Variants in COMMD1 observed in about 807,000 individuals in gnomAD.
COMMD1 encodes the protein copper metabolism domain containing 1.
In COMMD1, 10 loss-of-function variants were observed where a neutral mutation model predicts 17.2. The ratio of observed to expected loss-of-function variants is 0.58; its 90% CI spans 0.36 to 0.99. The LOEUF is 0.99. Among genes scored for constraint, COMMD1 ranks in the 50% least tolerant of loss-of-function variants. The pLI is 0.01. For synonymous variants in COMMD1, 97 were observed against 91.6 expected, an observed-to-expected ratio of 1.06 and a Z score of -0.34; for missense variants, 270 against 231.8, an observed-to-expected ratio of 1.17 and a Z score of -1.07.
At chr2:61,905,929 C>G (rs989965146) in intron 1 of COMMD1, 71 bp downstream of exon 1, 24 of 1,484,582 alleles carry the variant, frequency 1.6e-5, no homozygotes, top group Non-Finnish European at 1.9e-5. Flanking sequence ...CTCTCCCCCC[C>G]TTGCCTTCCC....
At chr2:61,991,607 T>A (rs926828693) in intron 1 of COMMD1, among the ~76,000 whole-genome samples, 3 of 151,824 alleles carry the variant, frequency 2.0e-5, no homozygotes, top group African/African-American at 2.4e-5. Context: ...AGAGGAGGAG[T>A]ATTGGGGAAG....
intron 2 of COMMD1, among the ~76,000 whole-genome samples, chr2:62,082,023 G>GT (rs753397363): frequency 6.6e-6 from 1 of 152,084 alleles, no homozygotes; most frequent in African/African-American, 2.4e-5. Flanking sequence ...GTTAGAAAAT[G>GT]TCATTGAAAT....
upstream of COMMD1, among the ~76,000 whole-genome samples, chr2:61,901,964 G>A (rs531019068): frequency 1.3e-5 from 2 of 152,026 alleles, no homozygotes; most frequent in East Asian, 3.9e-4. Flanking sequence ...CTCCCAAGTA[G>A]CTGGACTACA....
upstream of COMMD1, chr2:61,888,547 G>A (rs1157713283): frequency 1.3e-6 from 2 of 1,594,440 alleles, no homozygotes; most frequent in Non-Finnish European, 8.5e-7. Context: ...GGGAAGGACG[G>A]ATGGACCCGG....
intron 2 of COMMD1, among the ~76,000 whole-genome samples, chr2:62,044,245 A>C (rs1417421531): frequency 2.0e-5 from 3 of 151,724 alleles, no homozygotes; most frequent in Non-Finnish European, 4.4e-5. Context: ...ACTAGATTTT[A>C]CTTTGCAGAT....
chr2:62,010,442 G>C (rs567866503), intron 2 of COMMD1, among the ~76,000 whole-genome samples: 76 of 151,650 alleles, frequency 5.0e-4, no homozygotes, highest in Non-Finnish European at 5.9e-4. Flanking sequence ...GTAATTCCTT[G>C]CATTTAAATA....
Position 61,920,433 on chromosome 2 carries a change from T to C in COMMD1, c.180+14575T>C, listed in dbSNP as rs1360935214. Among the ~76,000 whole-genome samples the C allele has an allele frequency of 2.0e-5, 3 of 152,102 alleles. No individual in the cohort carries two copies. In the East Asian group the frequency reaches 5.8e-4, roughly 29 times the overall value. On this transcript the variant is annotated intron_variant, in intron 1 of 2. Coordinates refer to ENST00000311832, the MANE Select transcript of COMMD1 (RefSeq NM_152516.4). Reference sequence around the variant, plus strand: ...CATACTTTTTTTTTTTTTTAAACTTTGTAATTGCTTCTGGAGACTCTCCCA... The same window carrying C: ...CATACTTTTTTTTTTTTTTAAACTTCGTAATTGCTTCTGGAGACTCTCCCA...
chr2:61,999,056 C>T (rs1008825389), intron 1 of COMMD1, among the ~76,000 whole-genome samples: 1 of 152,054 alleles, frequency 6.6e-6, no homozygotes, highest in Non-Finnish European at 1.5e-5. Context: ...CACAGAGACA[C>T]AAGGTGAGCA....
In COMMD1 at chr2:61,899,863, G is replaced by A. The variant is rs557841599; in HGVS notation, n.119+11021G>A. Among the ~76,000 whole-genome samples the A allele has an allele frequency of 2.6e-5, 4 of 152,150 alleles. No individual in the cohort carries two copies. The East Asian group carries it at 7.7e-4, about 29-fold the overall frequency. ...ATTTTTGTATTTTTAGTAGAGACAGGGTTTTACTGTGTTGGCTAGGCTGGT... is the reference window on the plus strand; with the variant it reads ...ATTTTTGTATTTTTAGTAGAGACAGAGTTTTACTGTGTTGGCTAGGCTGGT... On this transcript the variant is annotated intron_variant and non_coding_transcript_variant, in intron 1 of 2. Coordinates refer to the COMMD1 transcript ENST00000472729.
intron 2 of COMMD1, among the ~76,000 whole-genome samples, chr2:62,121,668 G>A (rs924476747): frequency 6.6e-5 from 10 of 151,480 alleles, no homozygotes; most frequent in Non-Finnish European, 7.4e-5. Context: ...AACCGGGGAG[G>A]TGGAGGTTGT....
chr2:62,133,743 T>G (rs1275563454), intron 2 of COMMD1, among the ~76,000 whole-genome samples: 1 of 152,142 alleles, frequency 6.6e-6, no homozygotes, highest in Non-Finnish European at 1.5e-5. Flanking sequence ...TACTAAGGTT[T>G]GGGCAGACTC....
At position 62,000,923 on chromosome 2, in the gene COMMD1, T is replaced by G; in HGVS notation, c.403T>G (p.Ser135Ala). ...TGATGGCAAGTCTCAGTCAAGGCAC[T>G]CAGCTCAAATACACACACCTGTTGC... The part of the protein sequence containing the change: ...RVDGKSQSRH[S>A]AQIHTPVAII... The change falls in exon 2 of 3, where the codon TCA (serine) becomes GCA (alanine). Residue 135 changes from serine (S) to alanine (A), a missense_variant. By Grantham distance (99) the Ser-to-Ala change is moderately conservative. Transcript: ENST00000311832. The G allele has an allele frequency of 6.2e-7, 1 of 1,614,194 alleles. No homozygotes were observed. The highest frequency in any genetic ancestry group is 8.5e-7 in the Non-Finnish European group (1 of 1,180,042).
chr2:61,998,144 C>A (rs1668815342), intron 1 of COMMD1, among the ~76,000 whole-genome samples: 1 of 152,138 alleles, frequency 6.6e-6, no homozygotes, highest in Non-Finnish European at 1.5e-5. Context: ...TAGGGCCTTG[C>A]CCTCGATTAG....
chr2:61,948,622 C>T (rs1328041597), intron 1 of COMMD1, among the ~76,000 whole-genome samples: 1 of 152,160 alleles, frequency 6.6e-6, no homozygotes, highest in Non-Finnish European at 1.5e-5. Flanking sequence ...ATATAAGAGT[C>T]TGTTCTTGTC....
At chr2:62,090,337 C>G (rs1671792031) in intron 2 of COMMD1, among the ~76,000 whole-genome samples, 1 of 152,300 alleles carries the variant, frequency 6.6e-6, no homozygotes, top group East Asian at 1.9e-4. Flanking sequence ...TGATTAGACT[C>G]ACAATGTGAT....
intron 1 of COMMD1, among the ~76,000 whole-genome samples, chr2:61,914,777 G>A (rs1311425209): frequency 6.6e-6 from 1 of 151,432 alleles, no homozygotes; most frequent in African/African-American, 2.4e-5. Context: ...TGCAACCTCC[G>A]CATCCTGGGT....
intron 1 of COMMD1, among the ~76,000 whole-genome samples, chr2:61,891,878 C>T (rs1239904367): frequency 6.6e-6 from 1 of 151,670 alleles, no homozygotes; most frequent in East Asian, 2.0e-4. Flanking sequence ...GTCACCCAGG[C>T]TGGAGTGCAG....
chr2:62,022,731 G>T (rs1351765860), intron 2 of COMMD1, among the ~76,000 whole-genome samples: 1 of 151,808 alleles, frequency 6.6e-6, no homozygotes, highest in African/African-American at 2.4e-5. Flanking sequence ...ATAGATAAAT[G>T]TAGAAATTGA....
At chr2:61,968,162 G>GC (rs538913922) in intron 1 of COMMD1, among the ~76,000 whole-genome samples, 11 of 146,910 alleles carry the variant, frequency 7.5e-5, no homozygotes, top group African/African-American at 2.5e-4. Flanking sequence ...CTCCCTCTCA[G>GC]AAAAAAAAAA....
Sources: gnomAD v4.1 joint callset for allele counts (sites outside exome capture counted in the v4.1 genomes callset) on GRCh38, gnomAD v4.1.1 for gene constraint, MANE v1.5 for transcripts, NCBI Gene and HGNC (gene_info 2026-07-23, HGNC 2026-07-21) for gene names.